Variants in WDPCP observed in about 807,000 individuals in gnomAD.
WDPCP encodes WD repeat-containing and planar cell polarity effector protein fritz homolog.
WDPCP carries 71 observed loss-of-function variants against 93.1 expected under a neutral mutation model. The observed-to-expected ratio is 0.76, with a 90% CI of 0.63 to 0.93. The LOEUF is 0.93. Among genes scored for constraint, WDPCP ranks in the 40% least tolerant of loss-of-function variants. The pLI is 0.00. For missense variants in WDPCP, 844 were observed against 887.4 expected (o/e 0.95, Z 0.62); for synonymous variants, 315 against 315.0 (o/e 1.00, Z 0.00).
intron 3 of WDPCP, among the ~76,000 whole-genome samples, chr2:63,627,825 C>T (rs1266442908): frequency 1.3e-5 from 2 of 152,118 alleles, no homozygotes; most frequent in Non-Finnish European, 2.9e-5. Flanking sequence ...TTTTCCTGGA[C>T]GCCGAACAAG....
At chr2:63,129,082 T>A (rs994897993) in intron 17 of WDPCP, among the ~76,000 whole-genome samples, 23 of 152,240 alleles carry the variant, frequency 1.5e-4, no homozygotes, top group African/African-American at 5.3e-4. Flanking sequence ...GCAAAGTTCA[T>A]CCATGCTGTA....
At chr2:63,535,585 A>C (rs901013014) in intron 1 of WDPCP, among the ~76,000 whole-genome samples, 2 of 152,236 alleles carry the variant, frequency 1.3e-5, no homozygotes, top group African/African-American at 2.4e-5. Flanking sequence ...ATCTCTGACA[A>C]ACCTGACAAA....
At chr2:63,698,148 G>A (rs951700469) in intron 2 of WDPCP, among the ~76,000 whole-genome samples, 2 of 151,330 alleles carry the variant, frequency 1.3e-5, no homozygotes, top group African/African-American at 2.4e-5. Flanking sequence ...TAGAGACGGG[G>A]TTTCACCATG....
At position 63,291,350 on chromosome 2, in the gene WDPCP, A is replaced by C. The variant is rs182122689; in HGVS notation, c.1812+21898T>G. The stretch of plus-strand genomic sequence containing the variant: ...AAGGCTAATACAGTTTCTTATAGGA[A>C]AGACCCAATGGCAGCTGCACCAGAG... On this transcript the variant is annotated intron_variant, in intron 13 of 17. Coordinates refer to ENST00000272321, the MANE Select transcript of WDPCP (RefSeq NM_015910.7). Among the ~76,000 whole-genome samples the C allele has an allele frequency of 2.3e-3, 347 of 152,314 alleles. 1 individual carries two copies. The highest frequency in any genetic ancestry group is 4.1e-3 in the Non-Finnish European group (282 of 68,018).
intron 9 of WDPCP, among the ~76,000 whole-genome samples, chr2:63,420,849 TCAC>T (rs1027040050): frequency 2.0e-5 from 3 of 152,232 alleles, no homozygotes; most frequent in Non-Finnish European, 4.4e-5. Context: ...CCCTCTGAAT[TCAC>T]CACAAGATGT....
At chr2:63,466,824 C>T (rs1050565395) in intron 6 of WDPCP, among the ~76,000 whole-genome samples, 1 of 152,250 alleles carries the variant, frequency 6.6e-6, no homozygotes, top group Non-Finnish European at 1.5e-5. Context: ...GAACTGGCTT[C>T]CTTTGTAGCA....
At chr2:63,315,294 G>A (rs1575122841) in intron 12 of WDPCP, among the ~76,000 whole-genome samples, 1 of 152,152 alleles carries the variant, frequency 6.6e-6, no homozygotes, top group South Asian at 2.1e-4. Flanking sequence ...AAGGTGATAA[G>A]CTCAGACTGT....
intron 2 of WDPCP, among the ~76,000 whole-genome samples, chr2:63,762,678 A>G (rs924002851): frequency 6.6e-6 from 1 of 152,186 alleles, no homozygotes; most frequent in Non-Finnish European, 1.5e-5. Context: ...GTGTACTAAC[A>G]TGCTAGCTCA....
chr2:63,543,686 T>C (rs1704916964), intron 1 of WDPCP, among the ~76,000 whole-genome samples: 1 of 152,056 alleles, frequency 6.6e-6, no homozygotes, highest in Non-Finnish European at 1.5e-5. Flanking sequence ...GCAAGGGTTT[T>C]TTCAGTGAAT....
chr2:63,560,348 A>C (rs1706510769), intron 1 of WDPCP, among the ~76,000 whole-genome samples: 1 of 152,240 alleles, frequency 6.6e-6, no homozygotes, highest in Non-Finnish European at 1.5e-5. Flanking sequence ...AAACTATACT[A>C]CAAGGCTACA....
intron 3 of WDPCP, among the ~76,000 whole-genome samples, chr2:63,631,236 C>T (rs199529299): frequency 3.3e-5 from 5 of 151,908 alleles, no homozygotes; most frequent in African/African-American, 1.2e-4. Flanking sequence ...AGCAAGATTG[C>T]GCCACTGCAT....
intron 1 of WDPCP, among the ~76,000 whole-genome samples, chr2:63,573,167 C>G (rs1191403284): frequency 6.6e-6 from 1 of 151,538 alleles, no homozygotes; most frequent in East Asian, 1.9e-4. Context: ...CACTTGAGCC[C>G]AGGAAGTAGA....
chr2:63,177,795 C>T (rs1673931524), intron 14 of WDPCP, among the ~76,000 whole-genome samples: 1 of 151,982 alleles, frequency 6.6e-6, no homozygotes, highest in South Asian at 2.1e-4. Flanking sequence ...TGTCTTGTTC[C>T]TGATCCTAGA....
At position 63,184,992 on chromosome 2, in the gene WDPCP, T is replaced by G. The variant is rs550495544; in HGVS notation, c.1916-10160A>C. 2.0e-5 allele frequency among the ~76,000 whole-genome samples: 3 copies of G among 152,308 alleles called. No individual in the cohort carries two copies. In the East Asian group the frequency reaches 5.8e-4, roughly 29 times the overall value. ...TTGTCTTCTGCTTTATCTAGTCAGT[T>G]ATTGACCCTTTCAGCCATATTTTGT... On this transcript the variant is annotated intron_variant, in intron 14 of 17. Transcript: ENST00000272321.
chr2:63,293,846 G>A (rs1041182229), intron 13 of WDPCP, among the ~76,000 whole-genome samples: 2 of 152,108 alleles, frequency 1.3e-5, no homozygotes, highest in Non-Finnish European at 2.9e-5. Flanking sequence ...GAAGAAAAGT[G>A]AATAGAGCCT....
intron 1 of WDPCP, among the ~76,000 whole-genome samples, chr2:63,504,145 T>G (rs1191702208): frequency 6.6e-6 from 1 of 152,094 alleles, no homozygotes; most frequent in Non-Finnish European, 1.5e-5. Context: ...AAATATTTCT[T>G]TTCCAAAAGA....
At chr2:63,682,104 TA>T (rs1279557812) in intron 2 of WDPCP, among the ~76,000 whole-genome samples, 1 of 152,076 alleles carries the variant, frequency 6.6e-6, no homozygotes, top group Non-Finnish European at 1.5e-5. Flanking sequence ...ACAAAACAAA[TA>T]CCTAACTCTT....
At chr2:63,769,265 T>C (rs978050401) in intron 2 of WDPCP, among the ~76,000 whole-genome samples, 7 of 151,818 alleles carry the variant, frequency 4.6e-5, no homozygotes, top group African/African-American at 1.7e-4. Flanking sequence ...GAAATAGTAA[T>C]AATGCAACTG....
intron 1 of WDPCP, among the ~76,000 whole-genome samples, chr2:63,820,197 A>G (rs1380453583): frequency 6.6e-6 from 1 of 152,224 alleles, no homozygotes; most frequent in South Asian, 2.1e-4. Flanking sequence ...GAAACAGTAC[A>G]TGAGATGAAC....
Sources: allele counts gnomAD v4.1 joint callset (sites outside exome capture counted in the v4.1 genomes callset), GRCh38; gene constraint gnomAD v4.1.1; transcripts MANE v1.5; gene names NCBI Gene and HGNC (gene_info 2026-07-23, HGNC 2026-07-21).